The following TRHDE variants were observed in gnomAD, a reference collection of about 807,000 sequenced individuals.
The protein encoded by TRHDE is thyrotropin-releasing hormone-degrading ectoenzyme.
In TRHDE, 72 loss-of-function variants were observed where a neutral mutation model predicts 125.7. That is an observed-to-expected ratio of 0.57 (90% CI 0.47 to 0.70). The LOEUF is 0.70. Ranked by LOEUF, TRHDE falls within the 30% of genes least tolerant of loss-of-function variation. The probability of loss-of-function intolerance (pLI) is 0.00; values close to 1 mark genes in which losing one functional copy is unlikely to be tolerated. For missense variants in TRHDE, 1,110 were observed against 1,327.1 expected (o/e 0.84, Z 2.54); for synonymous variants, 509 against 509.1 (o/e 1.00, Z 0.00).
intron 7 of TRHDE, among the ~76,000 whole-genome samples, chr12:72,551,203 A>C (rs148501755): frequency 1.1e-4 from 16 of 152,224 alleles, no homozygotes; most frequent in Non-Finnish European, 1.8e-4. Flanking sequence ...GCAAAGACTT[A>C]AGTTACATGT....
At chr12:72,334,207 T>A (rs1395533688) in intron 2 of TRHDE, among the ~76,000 whole-genome samples, 1 of 152,210 alleles carries the variant, frequency 6.6e-6, no homozygotes, top group Non-Finnish European at 1.5e-5. Context: ...TCATCATAAT[T>A]GCCATAGTCG....
chr12:72,622,422 G>A (rs1323118256), intron 15 of TRHDE, among the ~76,000 whole-genome samples: 1 of 151,904 alleles, frequency 6.6e-6, no homozygotes, highest in Non-Finnish European at 1.5e-5. Context: ...GCCTTCTTAA[G>A]GTACCTTTAT....
intron 2 of TRHDE, among the ~76,000 whole-genome samples, chr12:72,131,548 G>C (rs746200805): frequency 1.3e-4 from 19 of 151,898 alleles, no homozygotes; most frequent in Non-Finnish European, 2.8e-4. Context: ...ATTCACATGA[G>C]CTTTCATAAG....
At chr12:72,506,950 C>G (rs1420552852) in intron 6 of TRHDE, among the ~76,000 whole-genome samples, 1 of 152,062 alleles carries the variant, frequency 6.6e-6, no homozygotes, top group Admixed American at 6.6e-5. Context: ...GCAGATTTCC[C>G]CCTTGCTGTT....
At chr12:72,215,252 G>A (rs1877863594) in intron 2 of TRHDE, among the ~76,000 whole-genome samples, 1 of 152,040 alleles carries the variant, frequency 6.6e-6, no homozygotes, top group Non-Finnish European at 1.5e-5. Flanking sequence ...GGATGAGCCA[G>A]GAAAAGGACT....
intron 3 of TRHDE, among the ~76,000 whole-genome samples, chr12:72,445,001 C>G (rs1158241867): frequency 2.0e-5 from 3 of 151,882 alleles, no homozygotes; most frequent in African/African-American, 7.2e-5. Context: ...CTTAGTTGCT[C>G]TCTGTGTTTT....
At chr12:72,589,887 T>C (rs2136046183) in intron 12 of TRHDE, among the ~76,000 whole-genome samples, 1 of 152,122 alleles carries the variant, frequency 6.6e-6, no homozygotes, top group East Asian at 1.9e-4. Context: ...ATTTTCTATT[T>C]CATTTATTTC....
intron 6 of TRHDE, among the ~76,000 whole-genome samples, chr12:72,525,943 TC>T (rs1868328624): frequency 6.6e-6 from 1 of 152,136 alleles, no homozygotes; most frequent in African/African-American, 2.4e-5. Flanking sequence ...GTCATTTTTT[TC>T]CCCTGCGGTC....
At chr12:72,510,975 T>C (rs552392259) in intron 6 of TRHDE, among the ~76,000 whole-genome samples, 1 of 152,314 alleles carries the variant, frequency 6.6e-6, no homozygotes, top group African/African-American at 2.4e-5. Context: ...ATGGGAAGGC[T>C]GCTCACCATT....
chr12:72,568,757 A>C, intron 10 of TRHDE, 101 bp downstream of exon 10: 1 of 685,002 alleles, frequency 1.5e-6, no homozygotes, highest in Non-Finnish European at 2.5e-6. Context: ...ATAAAGACAA[A>C]TTAGAAAGAG....
chr12:72,515,444 A>G (rs1389748729), intron 6 of TRHDE, among the ~76,000 whole-genome samples: 1 of 151,414 alleles, frequency 6.6e-6, no homozygotes, highest in East Asian at 1.9e-4. Flanking sequence ...TTCTTTTGAG[A>G]AGTGTCTGTT....
At chr12:72,199,912 A>G (rs1056606107) in intron 2 of TRHDE, among the ~76,000 whole-genome samples, 2 of 152,012 alleles carry the variant, frequency 1.3e-5, no homozygotes, top group Non-Finnish European at 2.9e-5. Context: ...AGCTTGTTTG[A>G]GGTTTCTTTT....
At chr12:72,373,567 T>A (rs1486917437) in intron 2 of TRHDE, among the ~76,000 whole-genome samples, 1 of 152,118 alleles carries the variant, frequency 6.6e-6, no homozygotes, top group South Asian at 2.1e-4. Flanking sequence ...AATGAATAAA[T>A]AAAACTTATA....
chr12:72,534,708 ATAT>A (rs1247601579), intron 6 of TRHDE, among the ~76,000 whole-genome samples: 4 of 152,068 alleles, frequency 2.6e-5, no homozygotes, highest in African/African-American at 7.2e-5. Context: ...TTTGATGGAA[ATAT>A]TATTATCATT....
intron 2 of TRHDE, among the ~76,000 whole-genome samples, chr12:72,191,180 A>T (rs893660407): frequency 2.0e-5 from 3 of 152,310 alleles, no homozygotes; most frequent in African/African-American, 4.8e-5. Context: ...ACCTTTATAG[A>T]ATTCTTAGTG....
chr12:72,460,055 A>G (rs2092690817), intron 3 of TRHDE, among the ~76,000 whole-genome samples: 1 of 152,186 alleles, frequency 6.6e-6, no homozygotes, highest in Non-Finnish European at 1.5e-5. Context: ...TGGTTCTTTT[A>G]TAAGTGATAG....
chr12:72,510,363 G>T (rs556183161), intron 6 of TRHDE, among the ~76,000 whole-genome samples: 1 of 152,188 alleles, frequency 6.6e-6, no homozygotes, highest in Non-Finnish European at 1.5e-5. Flanking sequence ...TGGACAATAG[G>T]CTTTTAGTGT....
intron 5 of TRHDE, among the ~76,000 whole-genome samples, chr12:72,489,222 G>GA (rs149322068): frequency 0.11 from 15,873 of 139,084 alleles, 1,050 homozygotes; most frequent in African/African-American, 0.18. Context: ...GATTTTTTTT[G>GA]AAAAAAAAAA....
intron 2 of TRHDE, among the ~76,000 whole-genome samples, chr12:72,228,291 A>T (rs966335758): frequency 9.9e-5 from 15 of 152,124 alleles, no homozygotes; most frequent in African/African-American, 3.4e-4. Flanking sequence ...TCGGTTCTTT[A>T]CTTCTGTGCA....
Sources: allele counts gnomAD v4.1 joint callset (sites outside exome capture counted in the v4.1 genomes callset), GRCh38; gene constraint gnomAD v4.1.1; transcripts MANE v1.5; gene names NCBI Gene and HGNC (gene_info 2026-07-23, HGNC 2026-07-21).